Variants in ADAMTS13 observed in about 807,000 individuals in gnomAD.
ADAMTS13 encodes the protein ADAM metallopeptidase with thrombospondin type 1 motif 13.
ADAMTS13 carries 110 observed loss-of-function variants against 155.1 expected under a neutral mutation model. The ratio of observed to expected loss-of-function variants is 0.71; its 90% CI spans 0.61 to 0.83. The LOEUF is 0.83. ADAMTS13 is among the 40% of genes least tolerant of loss of function. ADAMTS13 has a pLI of 0.00. For synonymous variants in ADAMTS13, 758 were observed against 756.4 expected, an observed-to-expected ratio of 1.00 and a Z score of -0.03; for missense variants, 1,707 against 1,891.7, an observed-to-expected ratio of 0.90 and a Z score of 1.81.
intron 1 of ADAMTS13, chr9:133,415,640 T>C (rs1187231278): frequency 3.3e-5 from 5 of 152,460 alleles, no homozygotes; most frequent in African/African-American, 4.8e-5. Context: ...CACAGTGCGA[T>C]GATGAGGCGG....
At chr9:133,436,802 C>A in intron 11 of ADAMTS13, 27 bp from the exon 12 acceptor site, 3 of 826,058 alleles carry the variant, frequency 3.6e-6, no homozygotes, top group Non-Finnish European at 5.5e-6. Flanking sequence ...CCACCGCCAT[C>A]CCCCTCCTCT....
At chr9:133,419,741 T>C (rs1839871030), upstream of ADAMTS13, among the ~76,000 whole-genome samples, 1 of 152,152 alleles carries the variant, frequency 6.6e-6, no homozygotes, top group South Asian at 2.1e-4. Flanking sequence ...GGGTTTTCTT[T>C]TTTTTTGTTT....
intron 7 of ADAMTS13, 152 bp downstream of exon 7, chr9:133,428,923 G>A: frequency 2.4e-6 from 2 of 834,442 alleles, no homozygotes; most frequent in South Asian, 6.6e-5. Flanking sequence ...CCAACCCCGC[G>A]CCCACCGCTC....
At position 133,444,856 on chromosome 9, in the gene ADAMTS13, T is replaced by A. The variant is rs1554791984; in HGVS notation, c.2421-7T>A. 6.2e-7 allele frequency: 1 copy of A among 1,612,674 alleles called. No homozygotes were observed. The highest frequency in any genetic ancestry group is 1.1e-5 in the South Asian group (1 of 91,052). On this transcript the variant is annotated splice_region_variant and splice_polypyrimidine_tract_variant and intron_variant, in intron 19 of 28. Transcript: ENST00000355699. ...AGGGCCTGATGACTGTCTCATGCCA[T>A]CCTCAGGTGGGAGGTGTCAGAGCCC... is the stretch of plus-strand genomic sequence containing the variant.
In ADAMTS13 at chr9:133,440,746, A is replaced by G. The variant is rs1178214140; in HGVS notation, c.1968+221A>G. Among the ~76,000 whole-genome samples the G allele has an allele frequency of 6.6e-6, 1 of 152,198 alleles. No homozygotes were observed. Among genetic ancestry groups the G allele is most frequent in the African/African-American group, 2.4e-5 (1 of 41,452 alleles). On this transcript the variant is annotated intron_variant, in intron 16 of 28. Transcript: ENST00000355699. This position sits in a 1 kb window ranked among gnomAD's most constrained non-coding sequence, Gnocchi z 4.3. ...AATATCCAAATGTGCCTGTGCCCAG[A>G]GCCCGTGGGAGAAGGCCCTGCAGTT...
In ADAMTS13 at chr9:133,450,206, G is replaced by A. The variant is rs191741535; in HGVS notation, c.3044+241G>A. On this transcript the variant is annotated intron_variant, in intron 23 of 28. Transcript: ENST00000355699. ...CCAGCGCTATGGAAGGCTGAAGCGG[G>A]TGGATTACCTGAGGTCAGGAGCTTG... 2.8e-4 allele frequency among the ~76,000 whole-genome samples: 42 copies of A among 152,096 alleles called. No homozygotes were observed. In the East Asian group the frequency reaches 4.1e-3, roughly 15 times the overall value.
chr9:133,450,046 G>A lies in ADAMTS13; in HGVS notation c.3044+81G>A, dbSNP rs969053737. The stretch of plus-strand genomic sequence containing the variant: ...GGCGCTGTGGTGTGTGCCTGTAATC[G>A]CAGCTACTTGGAAAGCTGAATCAGG... On this transcript the variant is annotated intron_variant, in intron 23 of 28. Coordinates refer to ENST00000355699, the MANE Select transcript of ADAMTS13 (RefSeq NM_139027.6). The A allele has an allele frequency of 1.7e-5, 26 of 1,487,016 alleles. No individual in the cohort carries two copies. In the East Asian group the frequency reaches 2.5e-4, roughly 14 times the overall value. 92.1% of individuals were successfully genotyped at this position (1,487,016 alleles called of 1,614,324 possible). A position where few individuals can be genotyped will look rare whatever the true frequency, so the allele number is the denominator to read the frequency against.
At chr9:133,457,003 C>A (rs1554796293) in intron 27 of ADAMTS13, 4 of 537,890 alleles carry the variant, frequency 7.4e-6, no homozygotes, top group Admixed American at 2.6e-5. Flanking sequence ...CTGCCCCACA[C>A]CCACCTGCCC....
At chr9:133,433,182 CTG>C (rs1840901578) in intron 9 of ADAMTS13, among the ~76,000 whole-genome samples, 194 bp from the exon 10 acceptor site, 1 of 140,712 alleles carries the variant, frequency 7.1e-6, no homozygotes, top group African/African-American at 2.7e-5. Flanking sequence ...TGGGGGGTCT[CTG>C]TGTGTGTTGG....
At chr9:133,457,829 C>T (rs892018570) in intron 27 of ADAMTS13, 81 bp from the exon 28 acceptor site, 19 of 1,562,822 alleles carry the variant, frequency 1.2e-5, no homozygotes, top group Middle Eastern at 1.7e-4. Flanking sequence ...CTGCCCTGCA[C>T]GGCTCCCTGG....
At position 133,446,474 on chromosome 9, in the gene ADAMTS13, C is replaced by T. The variant is rs587670605; in HGVS notation, c.2731+655C>T. 6.8e-4 allele frequency among the ~76,000 whole-genome samples: 103 copies of T among 152,332 alleles called. 1 individual carries two copies. The highest frequency in any genetic ancestry group is 2.3e-3 in the African/African-American group (95 of 41,578). ...ACTAGTTTTCACTCAGCATGATGTC[C>T]TCACAGTTCATCCATGTTGTAGCAT... On this transcript the variant is annotated intron_variant, in intron 21 of 28. Transcript: ENST00000355699.
chr9:133,442,300 G>C (rs1841730325), intron 16 of ADAMTS13, 99 bp from the exon 17 acceptor site: 1 of 1,573,182 alleles, frequency 6.4e-7, no homozygotes, highest in Non-Finnish European at 8.7e-7. Flanking sequence ...AAAGATTATA[G>C]GGATGCAAGA....
At chr9:133,455,235 G>A (rs1554795376) in intron 24 of ADAMTS13, 50 bp from the exon 25 acceptor site, 1 of 1,586,940 alleles carries the variant, frequency 6.3e-7, no homozygotes, top group East Asian at 2.2e-5. Context: ...CACTGTCCTT[G>A]TCACCTTCTG....
intron 11 of ADAMTS13, 36 bp downstream of exon 11, chr9:133,433,740 G>C (rs1554788259): frequency 1.9e-6 from 3 of 1,608,312 alleles, no homozygotes; most frequent in Non-Finnish European, 2.5e-6. Flanking sequence ...GGGGCAGCTG[G>C]TGGCACCGGG....
At chr9:133,428,884 C>T (rs1452727320) in intron 7 of ADAMTS13, 113 bp downstream of exon 7, 2 of 1,111,996 alleles carry the variant, frequency 1.8e-6, no homozygotes, top group East Asian at 4.2e-5. Flanking sequence ...CCTTCCTGTC[C>T]CACCCCTCCG....
chr9:133,446,582 G>A (rs1842080971), intron 21 of ADAMTS13, among the ~76,000 whole-genome samples: 1 of 152,190 alleles, frequency 6.6e-6, no homozygotes, highest in Non-Finnish European at 1.5e-5. Context: ...TTCATCAGTG[G>A]ACACTTGGCT....
chr9:133,452,243 G>T (rs1311802126), intron 23 of ADAMTS13, among the ~76,000 whole-genome samples: 2 of 151,940 alleles, frequency 1.3e-5, no homozygotes, highest in African/African-American at 4.8e-5. Context: ...TTCCCGAGTA[G>T]CTGGGATTAC....
chr9:133,423,694 A>C (rs762001861), intron 2 of ADAMTS13, among the ~76,000 whole-genome samples: 20 of 152,148 alleles, frequency 1.3e-4, no homozygotes, highest in Non-Finnish European at 2.2e-4. Flanking sequence ...CAGGTGGGCT[A>C]GTGGTCAGGG....
intron 21 of ADAMTS13, 116 bp from the exon 22 acceptor site, chr9:133,448,483 G>C: frequency 7.2e-7 from 1 of 1,396,322 alleles, no homozygotes; most frequent in Non-Finnish European, 1.0e-6. Flanking sequence ...GTAAGTGGCA[G>C]AGCCGGGATT....
Sources: gnomAD v4.1 joint callset for allele counts (sites outside exome capture counted in the v4.1 genomes callset) on GRCh38, gnomAD v4.1.1 for gene constraint, Gnocchi (gnomAD v3.1) non-coding constraint, MANE v1.5 for transcripts, NCBI Gene and HGNC (gene_info 2026-07-23, HGNC 2026-07-21) for gene names.